FGF14: variants seen among roughly 807,000 people sequenced by gnomAD.
FGF14 encodes fibroblast growth factor 14.
Under a neutral mutation model 25.5 loss-of-function variants are expected in FGF14, and 5 were observed. The observed-to-expected ratio is 0.20, with a 90% CI of 0.10 to 0.41. The LOEUF (loss-of-function observed/expected upper bound fraction) is 0.41. Among genes scored for constraint, FGF14 ranks in the 10% least tolerant of loss-of-function variants. The pLI is 1.00. For missense variants in FGF14, 222 were observed against 320.1 expected (o/e 0.69, Z 2.34); for synonymous variants, 138 against 118.3 (o/e 1.17, Z -1.08).
chr13:102,217,884 A>G (rs115424586), intron 1 of FGF14, among the ~76,000 whole-genome samples: 1,557 of 152,258 alleles, frequency 0.01, 34 homozygotes, highest in African/African-American at 0.034. Context: ...AGCCCGGAAC[A>G]CTGGTGGCTG....
chr13:102,203,169 T>C (rs1301274416), intron 1 of FGF14, among the ~76,000 whole-genome samples: 2 of 152,226 alleles, frequency 1.3e-5, no homozygotes, highest in Non-Finnish European at 2.9e-5. Flanking sequence ...TTGATAGCAG[T>C]ATATTTGTCT....
intron 1 of FGF14, among the ~76,000 whole-genome samples, chr13:102,329,298 T>A (rs2056561726): frequency 6.6e-6 from 1 of 152,190 alleles, no homozygotes; most frequent in Non-Finnish European, 1.5e-5. Context: ...TTTGGCTTCT[T>A]ATTAGCCCTG....
chr13:102,297,140 C>A (rs1224026813), intron 1 of FGF14, among the ~76,000 whole-genome samples: 1 of 152,112 alleles, frequency 6.6e-6, no homozygotes, highest in African/African-American at 2.4e-5. Flanking sequence ...GAAAAGGTGG[C>A]ATTTTACCTC....
At chr13:101,918,309 G>A (rs906395900), upstream of FGF14, among the ~76,000 whole-genome samples, 1 of 152,184 alleles carries the variant, frequency 6.6e-6, no homozygotes, top group African/African-American at 2.4e-5. Context: ...TGCAGCTCTG[G>A]CTCCGGGCTT....
chr13:102,045,698 T>A (rs2041951131), intron 1 of FGF14, among the ~76,000 whole-genome samples: 1 of 152,162 alleles, frequency 6.6e-6, no homozygotes, highest in African/African-American at 2.4e-5. Flanking sequence ...AGTTTAGAGA[T>A]GTGTAATTAT....
At chr13:101,942,527 T>C (rs1353228378) in intron 1 of FGF14, among the ~76,000 whole-genome samples, 1 of 152,204 alleles carries the variant, frequency 6.6e-6, no homozygotes, top group Non-Finnish European at 1.5e-5. Context: ...ATCATCATTC[T>C]CCAGTGTATC....
chr13:101,754,661 G>A (rs989081492), intron 3 of FGF14, among the ~76,000 whole-genome samples: 1 of 151,280 alleles, frequency 6.6e-6, no homozygotes. Flanking sequence ...CCTGGGAGGC[G>A]GAGATTGCAG....
chr13:102,167,998 A>G (rs1382335211), intron 1 of FGF14, among the ~76,000 whole-genome samples: 2 of 152,190 alleles, frequency 1.3e-5, no homozygotes, highest in East Asian at 3.9e-4. Flanking sequence ...CTTTTTATGT[A>G]GTCGCTGACT....
intron 1 of FGF14, among the ~76,000 whole-genome samples, chr13:102,172,982 T>C (rs1032768571): frequency 6.6e-6 from 1 of 152,166 alleles, no homozygotes; most frequent in African/African-American, 2.4e-5. Context: ...AACAGTCTGT[T>C]TGGCTGGCTG....
intron 1 of FGF14, among the ~76,000 whole-genome samples, chr13:102,251,722 G>A (rs140900175): frequency 2.3e-4 from 35 of 152,152 alleles, no homozygotes; most frequent in East Asian, 1.6e-3. Context: ...AGTATCCCTC[G>A]TGCTTCAGTG....
intron 1 of FGF14, among the ~76,000 whole-genome samples, chr13:101,952,242 C>T (rs2036213708): frequency 6.6e-6 from 1 of 151,962 alleles, no homozygotes; most frequent in South Asian, 2.1e-4. Flanking sequence ...GAAAGGATTC[C>T]AAGTCTTTCC....
chr13:102,338,486 A>G (rs1175511836), intron 1 of FGF14, among the ~76,000 whole-genome samples: 1 of 152,234 alleles, frequency 6.6e-6, no homozygotes, highest in Non-Finnish European at 1.5e-5. Context: ...AAAGCTGATC[A>G]ATGAACTAAT....
At chr13:102,059,427 C>A (rs2042576866) in intron 1 of FGF14, among the ~76,000 whole-genome samples, 1 of 152,200 alleles carries the variant, frequency 6.6e-6, no homozygotes, top group Non-Finnish European at 1.5e-5. Flanking sequence ...CACATGCTTT[C>A]TCAATAGCCA....
At chr13:102,150,295 G>GT (rs58266375) in intron 1 of FGF14, among the ~76,000 whole-genome samples, 93 of 148,302 alleles carry the variant, frequency 6.3e-4, no homozygotes, top group Middle Eastern at 6.8e-3. Flanking sequence ...GTGTTTTTAG[G>GT]TTTTTTTTTT....
At chr13:102,115,181 C>T (rs1423036026) in intron 1 of FGF14, among the ~76,000 whole-genome samples, 3 of 152,046 alleles carry the variant, frequency 2.0e-5, no homozygotes, top group African/African-American at 7.2e-5. Context: ...TCAATAGAAG[C>T]CTTCTTGTTA....
At position 102,199,683 on chromosome 13, in the gene FGF14, C is replaced by T. The variant is rs75051232; in HGVS notation, c.208+201788G>A. On this transcript the variant is annotated intron_variant, in intron 1 of 4. Transcript: ENST00000376131. ...ACCTCTCTGATCCCATGCTGTAACC[C>T]ACTCCACAGCCAGTCTACACTCTAA... 1.1e-3 allele frequency among the ~76,000 whole-genome samples: 164 copies of T among 152,240 alleles called. 2 individuals carry two copies. The East Asian group carries it at 0.029, about 27-fold the overall frequency.
chr13:102,020,315 G>C (rs2040569204), intron 1 of FGF14, among the ~76,000 whole-genome samples: 1 of 152,140 alleles, frequency 6.6e-6, no homozygotes, highest in African/African-American at 2.4e-5. Context: ...TTGGGAGGCT[G>C]AGGCGGGCAG....
chr13:101,970,660 A>C (rs1038105151), intron 1 of FGF14, among the ~76,000 whole-genome samples: 1 of 152,168 alleles, frequency 6.6e-6, no homozygotes, highest in Non-Finnish European at 1.5e-5. Flanking sequence ...CAGAAGAAAA[A>C]ATGCATTTGC....
intron 1 of FGF14, among the ~76,000 whole-genome samples, chr13:102,152,645 G>A (rs1373014047): frequency 2.0e-5 from 3 of 152,196 alleles, no homozygotes; most frequent in African/African-American, 7.2e-5. Context: ...CAGGGAATTT[G>A]CTAGAGCTCA....
Sources: allele counts gnomAD v4.1 joint callset (sites outside exome capture counted in the v4.1 genomes callset), GRCh38; gene constraint gnomAD v4.1.1; transcripts MANE v1.5; gene names NCBI Gene and HGNC (gene_info 2026-07-23, HGNC 2026-07-21).